The following NPL variants were observed in gnomAD, a reference collection of about 807,000 sequenced individuals.
NPL encodes N-acetylneuraminate pyruvate lyase.
A neutral mutation model predicts 41.1 loss-of-function variants in NPL; 32 were observed. The observed-to-expected ratio is 0.78, with a 90% confidence interval of 0.59 to 1.05. The LOEUF is 1.05. Ranked by LOEUF, NPL falls within the 50% of genes least tolerant of loss-of-function variation. The probability of loss-of-function intolerance (pLI) is 0.00; values close to 1 mark genes in which losing one functional copy is unlikely to be tolerated. For synonymous variants in NPL, 128 were observed against 134.9 expected (o/e 0.95, Z 0.35); for missense variants, 321 against 378.4 (o/e 0.85, Z 1.26).
intron 2 of NPL, among the ~76,000 whole-genome samples, chr1:182,793,295 T>C (rs57565527): frequency 0.023 from 3,499 of 152,262 alleles, 140 homozygotes; most frequent in African/African-American, 0.08. Context: ...TCTGCTCTGT[T>C]GCTTCTTGTG....
intron 5 of NPL, among the ~76,000 whole-genome samples, chr1:182,808,216 A>G (rs1667077688): frequency 6.6e-6 from 1 of 152,226 alleles, no homozygotes; most frequent in Non-Finnish European, 1.5e-5. Flanking sequence ...GGCACAGTTC[A>G]CATAACACAT....
chr1:182,822,918 G>A (rs1667528449), intron 11 of NPL, among the ~76,000 whole-genome samples: 1 of 152,196 alleles, frequency 6.6e-6, no homozygotes, highest in Non-Finnish European at 1.5e-5. Context: ...CCAGGCTGGA[G>A]TGCAGCGATG....
At chr1:182,803,248 G>C (rs940269639) in intron 3 of NPL, among the ~76,000 whole-genome samples, 1 of 152,168 alleles carries the variant, frequency 6.6e-6, no homozygotes, top group Non-Finnish European at 1.5e-5. Context: ...GGACAGGCCA[G>C]GCATGATGGC....
chr1:182,803,270 A>G (rs1470820498), intron 3 of NPL, among the ~76,000 whole-genome samples: 2 of 152,226 alleles, frequency 1.3e-5, no homozygotes, highest in African/African-American at 4.8e-5. Flanking sequence ...CATACTTGTA[A>G]TCCCAGTACT....
intron 2 of NPL, among the ~76,000 whole-genome samples, chr1:182,793,608 A>G (rs1666575936): frequency 6.6e-6 from 1 of 152,202 alleles, no homozygotes; most frequent in Non-Finnish European, 1.5e-5. Flanking sequence ...TGCAGTCTAC[A>G]TGGTTAACTA....
intron 5 of NPL, 94 bp downstream of exon 5, chr1:182,806,326 C>G: frequency 1.3e-6 from 2 of 1,575,798 alleles, no homozygotes; most frequent in Non-Finnish European, 1.7e-6. Flanking sequence ...GCTTCCTGGT[C>G]AGAGCCGGGG....
At chr1:182,805,005 T>C (rs552747646) in intron 4 of NPL, among the ~76,000 whole-genome samples, 89 of 152,258 alleles carry the variant, frequency 5.8e-4, no homozygotes, top group African/African-American at 1.9e-3. Flanking sequence ...CCGACTTCCC[T>C]CCCCTGCCTC....
At chr1:182,812,920 C>T (rs1377942933) in intron 6 of NPL, among the ~76,000 whole-genome samples, 4 of 151,920 alleles carry the variant, frequency 2.6e-5, no homozygotes, top group Middle Eastern at 3.4e-3. Context: ...TTTGGGAGGC[C>T]GAGGCAGGCA....
intron 3 of NPL, among the ~76,000 whole-genome samples, chr1:182,801,684 T>C (rs1260719718): frequency 1.3e-5 from 2 of 152,094 alleles, no homozygotes; most frequent in East Asian, 3.9e-4. Flanking sequence ...GTCTCATCTC[T>C]ACCCAAAATT....
intron 8 of NPL, among the ~76,000 whole-genome samples, chr1:182,818,308 A>G (rs1667390934): frequency 1.3e-5 from 2 of 152,212 alleles, no homozygotes; most frequent in African/African-American, 2.4e-5. Flanking sequence ...GAGACCAAAT[A>G]TATATTTACA....
chr1:182,800,676 C>T (rs1187777815), intron 3 of NPL, among the ~76,000 whole-genome samples: 1 of 151,138 alleles, frequency 6.6e-6, no homozygotes, highest in Non-Finnish European at 1.5e-5. Flanking sequence ...TAAAGTAGGG[C>T]CTACTGCTGC....
chr1:182,791,224 T>G (rs972200060), intron 1 of NPL: 1 of 152,100 alleles, frequency 6.6e-6, no homozygotes, highest in African/African-American at 2.4e-5. Flanking sequence ...GGTTTTTTGG[T>G]TTTTGTTTGT....
At chr1:182,808,276 A>G (rs1438192452) in intron 5 of NPL, among the ~76,000 whole-genome samples, 1 of 152,246 alleles carries the variant, frequency 6.6e-6, no homozygotes, top group African/African-American at 2.4e-5. Context: ...AGTAAATGCT[A>G]TGTTCATTAT....
At chr1:182,800,963 C>T (rs1666830613) in intron 3 of NPL, among the ~76,000 whole-genome samples, 1 of 152,050 alleles carries the variant, frequency 6.6e-6, no homozygotes, top group Admixed American at 6.5e-5. Context: ...CTCTTGACCT[C>T]AAGTGACCCA....
At chr1:182,817,100 A>C (rs149192236) in intron 8 of NPL, among the ~76,000 whole-genome samples, 55 of 152,346 alleles carry the variant, frequency 3.6e-4, no homozygotes, top group African/African-American at 1.3e-3. Flanking sequence ...TTGAGAAGAC[A>C]TGAGTCTGTA....
At chr1:182,796,224 T>C (rs1179015114) in intron 3 of NPL, among the ~76,000 whole-genome samples, 3 of 143,920 alleles carry the variant, frequency 2.1e-5, no homozygotes, top group Non-Finnish European at 3.0e-5. Flanking sequence ...AAATAAATAG[T>C]GTAGGTCAGT....
At chr1:182,790,005 G>C (rs1374523503) in intron 1 of NPL, among the ~76,000 whole-genome samples, 200 bp downstream of exon 1, 1 of 152,222 alleles carries the variant, frequency 6.6e-6, no homozygotes, top group East Asian at 1.9e-4. Flanking sequence ...GGGACAGACG[G>C]GGGCAGAAGA....
At chr1:182,818,120 G>A (rs1303194488) in intron 8 of NPL, among the ~76,000 whole-genome samples, 1 of 152,180 alleles carries the variant, frequency 6.6e-6, no homozygotes, top group African/African-American at 2.4e-5. Context: ...ATATCACTTT[G>A]AAGATTCCAA....
intron 11 of NPL, among the ~76,000 whole-genome samples, chr1:182,824,965 T>C (rs1462953765): frequency 1.3e-5 from 2 of 152,228 alleles, no homozygotes; most frequent in African/African-American, 4.8e-5. Context: ...ACTGTGTTCA[T>C]GTAAGTTAGA....
Sources: gnomAD v4.1 joint callset for allele counts (sites outside exome capture counted in the v4.1 genomes callset) on GRCh38, gnomAD v4.1.1 for gene constraint, MANE v1.5 for transcripts, NCBI Gene and HGNC (gene_info 2026-07-23, HGNC 2026-07-21) for gene names.